Variants in CCNY observed in about 807,000 individuals in gnomAD.
CCNY encodes cyclin-Y.
Under a neutral mutation model 42.8 loss-of-function variants are expected in CCNY, and 19 were observed. That is an observed-to-expected ratio of 0.44 (90% confidence interval 0.31 to 0.65). The LOEUF (loss-of-function observed/expected upper bound fraction) is 0.65. Ranked by LOEUF, CCNY falls within the 30% of genes least tolerant of loss-of-function variation. CCNY has a pLI of 0.07. For missense variants in CCNY, 370 were observed against 437.3 expected (o/e 0.85, Z 1.37); for synonymous variants, 165 against 162.7 (o/e 1.01, Z -0.11).
At chr10:35,562,626 A>G (rs1192126098) in intron 8 of CCNY, among the ~76,000 whole-genome samples, 1 of 152,102 alleles carries the variant, frequency 6.6e-6, no homozygotes, top group African/African-American at 2.4e-5. Flanking sequence ...GGGTTGATCC[A>G]TGTTGTAGTG....
At chr10:35,361,857 C>T (rs773782195) in intron 1 of CCNY, among the ~76,000 whole-genome samples, 1 of 152,154 alleles carries the variant, frequency 6.6e-6, no homozygotes, top group Admixed American at 6.5e-5. Context: ...AAATCTGAAA[C>T]CTTTTAAAAA....
intron 1 of CCNY, among the ~76,000 whole-genome samples, chr10:35,405,078 A>G (rs924388474): frequency 8.5e-5 from 13 of 152,200 alleles, no homozygotes; most frequent in Non-Finnish European, 1.8e-4. Flanking sequence ...CTGGGTGGAT[A>G]GGCAAGACAA....
At chr10:35,449,673 G>C (rs1838873100) in intron 1 of CCNY, 2 of 808,886 alleles carry the variant, frequency 2.5e-6, no homozygotes, top group Non-Finnish European at 3.0e-6. Context: ...GCCGAGTAGG[G>C]GGGCCGGCCC....
intron 3 of CCNY, among the ~76,000 whole-genome samples, chr10:35,325,716 G>A (rs1471057369): frequency 3.3e-5 from 5 of 150,966 alleles, no homozygotes; most frequent in Admixed American, 6.6e-5. Flanking sequence ...TGATCCACCC[G>A]CCTCGGCCTC....
intron 2 of CCNY, among the ~76,000 whole-genome samples, chr10:35,485,649 C>T (rs377271834): frequency 2.0e-5 from 3 of 148,920 alleles, no homozygotes; most frequent in African/African-American, 2.5e-5. Flanking sequence ...GGCGTGAATC[C>T]GGGAGGTGGA....
intron 1 of CCNY, among the ~76,000 whole-genome samples, chr10:35,417,828 T>C (rs1351981290): frequency 6.6e-6 from 1 of 152,216 alleles, no homozygotes; most frequent in East Asian, 1.9e-4. Context: ...TAATCCTGTC[T>C]CTGGGTTGAC....
intron 1 of CCNY, among the ~76,000 whole-genome samples, chr10:35,354,317 C>T (rs1047257585): frequency 1.3e-5 from 2 of 151,388 alleles, no homozygotes; most frequent in Admixed American, 1.3e-4. Flanking sequence ...TCTTGAGTAG[C>T]TGGGATTACA....
At position 35,558,098 on chromosome 10, in the gene CCNY, C is replaced by T. The variant is rs1323625536; in HGVS notation, c.746+4913C>T. Among the ~76,000 whole-genome samples, 6 of 152,244 alleles carry T rather than the reference C, an allele frequency of 3.9e-5. No homozygotes were observed. The East Asian group carries it at 1.2e-3, about 29-fold the overall frequency. On this transcript the variant is annotated intron_variant, in intron 8 of 9. Coordinates refer to ENST00000374704, the MANE Select transcript of CCNY (RefSeq NM_145012.6). ...TAAATGAGCCTACCAACCCCTGCTT[C>T]AGTTTGTTGAAAGCAAAAACTGGAA...
intron 1 of CCNY, among the ~76,000 whole-genome samples, chr10:35,379,960 A>G (rs1837142558): frequency 6.6e-6 from 1 of 152,206 alleles, no homozygotes. Flanking sequence ...CCAGGCTGTC[A>G]TATGAAGCAT....
At chr10:35,463,381 A>T (rs1839195211) in intron 1 of CCNY, among the ~76,000 whole-genome samples, 1 of 152,262 alleles carries the variant, frequency 6.6e-6, no homozygotes, top group Non-Finnish European at 1.5e-5. Flanking sequence ...TACCTCAGTA[A>T]CAATGGACGT....
chr10:35,516,687 T>A, intron 4 of CCNY, 64 bp downstream of exon 4: 22 of 902,970 alleles, frequency 2.4e-5, no homozygotes, highest in Non-Finnish European at 3.3e-5. Flanking sequence ...TTTTTTTTTT[T>A]TACTTAACTG....
At chr10:35,444,483 A>G (rs1249175739) in intron 1 of CCNY, among the ~76,000 whole-genome samples, 1 of 152,152 alleles carries the variant, frequency 6.6e-6, no homozygotes, top group Non-Finnish European at 1.5e-5. Flanking sequence ...CCTGACCTCA[A>G]GTGATCCACC....
intron 3 of CCNY, among the ~76,000 whole-genome samples, chr10:35,292,688 A>C (rs1835427058): frequency 6.7e-6 from 1 of 150,030 alleles, no homozygotes; most frequent in Non-Finnish European, 1.5e-5. Context: ...TATGGCGTCC[A>C]GTTTATCTTT....
At chr10:35,445,133 C>G (rs554959225) in intron 1 of CCNY, among the ~76,000 whole-genome samples, 131 of 152,242 alleles carry the variant, frequency 8.6e-4, no homozygotes, top group African/African-American at 2.8e-3. Context: ...CACTGTAGGT[C>G]TGGAAGTCAG....
chr10:35,384,291 A>AG (rs1335529313), intron 1 of CCNY, among the ~76,000 whole-genome samples: 2 of 152,184 alleles, frequency 1.3e-5, no homozygotes, highest in African/African-American at 4.8e-5. Context: ...TAGTATTCAA[A>AG]GGGGAAAAGC....
At chr10:35,287,874 T>G (rs1720880987) in intron 3 of CCNY, among the ~76,000 whole-genome samples, 1 of 152,138 alleles carries the variant, frequency 6.6e-6, no homozygotes, top group South Asian at 2.1e-4. Flanking sequence ...CACGCTGCTC[T>G]CGAACTCCTG....
chr10:35,378,429 G>T (rs1402596193), intron 1 of CCNY, among the ~76,000 whole-genome samples: 3 of 152,074 alleles, frequency 2.0e-5, no homozygotes, highest in African/African-American at 7.2e-5. Context: ...AAGAAAAAAG[G>T]ATTTTTTGGG....
intron 1 of CCNY, among the ~76,000 whole-genome samples, chr10:35,389,139 C>T (rs1837357281): frequency 6.6e-6 from 1 of 152,176 alleles, no homozygotes; most frequent in Admixed American, 6.5e-5. Context: ...CGTTATTCTG[C>T]CTAGGACAGG....
intron 3 of CCNY, among the ~76,000 whole-genome samples, chr10:35,323,582 C>A (rs12218536): frequency 0.29 from 43,647 of 151,980 alleles, 6,548 homozygotes; most frequent in Admixed American, 0.35. Flanking sequence ...CTAGAAAAGA[C>A]AAATCTGATC....
Sources: allele counts gnomAD v4.1 joint callset (sites outside exome capture counted in the v4.1 genomes callset), GRCh38; gene constraint gnomAD v4.1.1; transcripts MANE v1.5; gene names NCBI Gene and HGNC (gene_info 2026-07-23, HGNC 2026-07-21).